EPB41L4B: variants seen among roughly 807,000 people sequenced by gnomAD.
EPB41L4B encodes band 4.1-like protein 4B.
EPB41L4B carries 30 observed loss-of-function variants against 112.5 expected under a neutral mutation model. The ratio of observed to expected loss-of-function variants is 0.27; its 90% CI spans 0.20 to 0.36. The LOEUF (loss-of-function observed/expected upper bound fraction) is 0.36, where lower values mean the gene tolerates loss of function less well. EPB41L4B is among the 10% of genes least tolerant of loss of function. EPB41L4B has a pLI of 1.00. For missense variants in EPB41L4B, 1,024 were observed against 1,133.3 expected, an observed-to-expected ratio of 0.90 and a Z score of 1.38; for synonymous variants, 408 against 439.7, an observed-to-expected ratio of 0.93 and a Z score of 0.90.
chr9:109,249,500 G>C (rs1387466809), intron 13 of EPB41L4B, among the ~76,000 whole-genome samples: 2 of 151,342 alleles, frequency 1.3e-5, no homozygotes, highest in African/African-American at 2.4e-5. Context: ...TTTTTTTTTG[G>C]GCAGAATTTT....
At chr9:109,313,366 T>G (rs1837492148) in intron 1 of EPB41L4B, among the ~76,000 whole-genome samples, 1 of 152,206 alleles carries the variant, frequency 6.6e-6, no homozygotes, top group African/African-American at 2.4e-5. Flanking sequence ...CTAGTAAAAT[T>G]AATCTAGCTC....
intron 18 of EPB41L4B, among the ~76,000 whole-genome samples, chr9:109,205,817 A>C (rs112033673): frequency 0.016 from 2,418 of 152,274 alleles, 68 homozygotes; most frequent in African/African-American, 0.056. Context: ...CCATTTTCAT[A>C]GGAGAGAACT....
intron 1 of EPB41L4B, among the ~76,000 whole-genome samples, chr9:109,306,000 G>A (rs550864226): frequency 4.6e-5 from 7 of 152,274 alleles, no homozygotes; most frequent in African/African-American, 1.7e-4. Context: ...AGGGGACACT[G>A]GGGAGCTGCC....
At chr9:109,185,357 G>C (rs1832214868) in intron 23 of EPB41L4B, 132 bp downstream of exon 23, 1 of 720,004 alleles carries the variant, frequency 1.4e-6, no homozygotes, top group Non-Finnish European at 2.4e-6. Flanking sequence ...CATCTGGAGT[G>C]AGGGCACCTG....
At chr9:109,215,714 C>A (rs1833337819) in intron 16 of EPB41L4B, among the ~76,000 whole-genome samples, 2 of 152,146 alleles carry the variant, frequency 1.3e-5, no homozygotes, top group African/African-American at 4.8e-5. Flanking sequence ...AAGATGAATT[C>A]TTTGGTAACG....
At chr9:109,258,534 T>G (rs1157410028) in intron 6 of EPB41L4B, among the ~76,000 whole-genome samples, 1 of 152,240 alleles carries the variant, frequency 6.6e-6, no homozygotes, top group Admixed American at 6.5e-5. Flanking sequence ...TAGTTATTAC[T>G]GTCTTTCTCT....
At chr9:109,181,245 T>G (rs1270874433) in intron 24 of EPB41L4B, among the ~76,000 whole-genome samples, 2 of 151,984 alleles carry the variant, frequency 1.3e-5, no homozygotes, top group Non-Finnish European at 2.9e-5. Context: ...CAAGCGATCC[T>G]CCCACCTCAG....
At chr9:109,216,534 G>A (rs1480736357) in intron 16 of EPB41L4B, among the ~76,000 whole-genome samples, 4 of 151,728 alleles carry the variant, frequency 2.6e-5, no homozygotes, top group South Asian at 2.1e-4. Flanking sequence ...TCAGCTACTC[G>A]GGAGGCTGAG....
At chr9:109,200,154 C>T (rs1564260365) in intron 20 of EPB41L4B, 82 bp downstream of exon 20, 2 of 1,209,940 alleles carry the variant, frequency 1.7e-6, no homozygotes, top group African/African-American at 3.0e-5. Flanking sequence ...TGGGACTAGT[C>T]AGAAGGGCTA....
At chr9:109,273,195 G>A (rs778324950) in intron 2 of EPB41L4B, among the ~76,000 whole-genome samples, 1 of 152,042 alleles carries the variant, frequency 6.6e-6, no homozygotes, top group Non-Finnish European at 1.5e-5. Flanking sequence ...GAAAACACTC[G>A]GCCTGCCTCC....
intron 20 of EPB41L4B, among the ~76,000 whole-genome samples, chr9:109,199,342 A>C (rs926402383): frequency 2.6e-5 from 4 of 152,032 alleles, no homozygotes; most frequent in Admixed American, 2.0e-4. Context: ...TGGGCTGGAC[A>C]TAGGGATTTG....
rs1242544115 is a variant in EPB41L4B at position 109,320,243 on chromosome 9, G to C, written c.204C>G (p.Thr68=). 15 of 1,254,698 alleles carry C rather than the reference G, an allele frequency of 1.2e-5. No individual in the cohort carries two copies. The highest frequency in any genetic ancestry group is 1.5e-5 in the Non-Finnish European group (15 of 996,062). The allele number at this position is 1,254,698 out of a possible 1,614,324, so 77.7% of individuals were successfully genotyped here. A position where few individuals can be genotyped will look rare whatever the true frequency, so the allele number is the denominator to read the frequency against. The part of the protein sequence containing the change: ...VFPAGGGPLL[T]GGAAVHISAA... Reference sequence around the variant, plus strand: ...CGGAGATGTGCACGGCCGCGCCGCCGGTGAGCAGGGGCCCGCCGCCCGCCG... The same window carrying C: ...CGGAGATGTGCACGGCCGCGCCGCCCGTGAGCAGGGGCCCGCCGCCCGCCG... The change falls in exon 1 of 26, where the codon ACC becomes ACG. Residue 68 remains threonine (T), a synonymous_variant. Coordinates refer to ENST00000374566, the MANE Select transcript of EPB41L4B (RefSeq NM_019114.5).
At chr9:109,237,839 G>C (rs1487520679) in intron 15 of EPB41L4B, among the ~76,000 whole-genome samples, 2 of 152,138 alleles carry the variant, frequency 1.3e-5, no homozygotes, top group Non-Finnish European at 2.9e-5. Flanking sequence ...ACTGGTGGGG[G>C]CTGTATGGAC....
At chr9:109,306,254 G>C (rs80067155) in intron 1 of EPB41L4B, among the ~76,000 whole-genome samples, 3,038 of 152,286 alleles carry the variant, frequency 0.02, 54 homozygotes, top group Non-Finnish European at 0.027. Context: ...AAAAGGAAGG[G>C]AAGGAGCCCT....
chr9:109,194,069 T>C (rs1048521023), intron 21 of EPB41L4B, 151 bp downstream of exon 21: 2 of 831,422 alleles, frequency 2.4e-6, no homozygotes, highest in South Asian at 2.2e-5. Flanking sequence ...TCAAGTTATA[T>C]AAAAACATGT....
chr9:109,284,545 T>C (rs1836195801), intron 1 of EPB41L4B, among the ~76,000 whole-genome samples: 1 of 152,140 alleles, frequency 6.6e-6, no homozygotes, highest in Non-Finnish European at 1.5e-5. Flanking sequence ...CCCCAGTAGC[T>C]AGGATTACGG....
chr9:109,256,815 G>GCCTGTAATC (rs1363008481), intron 7 of EPB41L4B, among the ~76,000 whole-genome samples: 1 of 152,210 alleles, frequency 6.6e-6, no homozygotes, highest in Non-Finnish European at 1.5e-5. Context: ...GGTGGCACAT[G>GCCTGTAATC]CCTGTAATCC....
intron 23 of EPB41L4B, 49 bp downstream of exon 23, chr9:109,185,440 C>T (rs771337668): frequency 1.9e-6 from 3 of 1,543,752 alleles, no homozygotes; most frequent in African/African-American, 1.4e-5. Flanking sequence ...GTGGCTCCTG[C>T]CCACCTCACC....
chr9:109,206,574 C>T (rs753714473), intron 18 of EPB41L4B, among the ~76,000 whole-genome samples: 54 of 152,190 alleles, frequency 3.5e-4, no homozygotes, highest in Non-Finnish European at 6.9e-4. Flanking sequence ...GGGCTTCCAC[C>T]TGAGTGCCAA....
Sources: gnomAD v4.1 joint callset for allele counts (sites outside exome capture counted in the v4.1 genomes callset) on GRCh38, gnomAD v4.1.1 for gene constraint, MANE v1.5 for transcripts, NCBI Gene and HGNC (gene_info 2026-07-23, HGNC 2026-07-21) for gene names.